The following SGSM1 variants were observed in gnomAD, a reference collection of about 807,000 sequenced individuals.
SGSM1 encodes the protein RUN and TBC1 domain containing 2.
A neutral mutation model predicts 133.8 loss-of-function variants in SGSM1; 73 were observed. The observed-to-expected ratio is 0.55, with a 90% CI of 0.45 to 0.66. The LOEUF is 0.66. Among genes scored for constraint, SGSM1 ranks in the 30% least tolerant of loss-of-function variants. The probability of loss-of-function intolerance (pLI) is 0.00; values close to 1 mark genes in which losing one functional copy is unlikely to be tolerated. For missense variants in SGSM1, 1,213 were observed against 1,448.1 expected (o/e 0.84, Z 2.64); for synonymous variants, 563 against 573.0 (o/e 0.98, Z 0.25).
intron 8 of SGSM1, among the ~76,000 whole-genome samples, chr22:24,859,167 C>T (rs1170820018): frequency 6.6e-6 from 1 of 152,104 alleles, no homozygotes; most frequent in Non-Finnish European, 1.5e-5. Flanking sequence ...CATCACCCTC[C>T]CCACACACCC....
At chr22:24,825,649 C>T (rs1474998879) in intron 2 of SGSM1, among the ~76,000 whole-genome samples, 1 of 152,254 alleles carries the variant, frequency 6.6e-6, no homozygotes, top group East Asian at 1.9e-4. Context: ...AGGCTGGTCT[C>T]GAACTCCTGA....
At chr22:24,823,116 G>A (rs368340108) in intron 2 of SGSM1, among the ~76,000 whole-genome samples, 19 of 152,260 alleles carry the variant, frequency 1.2e-4, no homozygotes, top group Middle Eastern at 3.4e-3. Context: ...TCACCTGACC[G>A]GAACTCAGTT....
chr22:24,893,728 C>A lies in SGSM1; in HGVS notation c.1953+115C>A, dbSNP rs191366206. The A allele has an allele frequency of 6.2e-4, 737 of 1,181,912 alleles. 4 individuals carry two copies. The African/African-American group carries it at 0.011, about 17-fold the overall frequency. The allele number at this position is 1,181,912 out of a possible 1,614,324, so 73.2% of individuals were successfully genotyped here. A position where few individuals can be genotyped will look rare whatever the true frequency, so the allele number is the denominator to read the frequency against. On this transcript the variant is annotated intron_variant, in intron 17 of 24. Coordinates refer to ENST00000400358, the MANE Select transcript of SGSM1 (RefSeq NM_001098497.3). ...TGTCTGGGGCCTGGTGACAGTCTCA[C>A]CCCTGGCTTTTTCTTTAAGAGTGTG...
intron 2 of SGSM1, among the ~76,000 whole-genome samples, chr22:24,829,428 C>T (rs1459725499): frequency 6.6e-6 from 1 of 152,156 alleles, no homozygotes; most frequent in Non-Finnish European, 1.5e-5. Flanking sequence ...GGCTAATAGA[C>T]TGAGTACCTG....
chr22:24,898,266 C>T lies in SGSM1; in HGVS notation c.2317C>T (p.Arg773Trp), dbSNP rs1354922959. 1.5e-5 allele frequency: 25 copies of T among 1,613,636 alleles called. No homozygotes were observed. Among genetic ancestry groups the T allele is most frequent in the Non-Finnish European group, 1.9e-5 (23 of 1,179,782 alleles). Residue 773 changes from arginine (R) to tryptophan (W), a missense_variant, in exon 19 of 25, where the codon CGG (arginine) becomes TGG (tryptophan). Physicochemically the swap from Arg to Trp is moderately radical, Grantham distance 101. Coordinates refer to ENST00000400358, the MANE Select transcript of SGSM1 (RefSeq NM_001098497.3). ...CACCACATCTCAGGATGAGGCTCCC[C>T]GGGAGGAGCTGGCCGTGCAGGACAG... ...EATTSQDEAPREELAVQDSLE... is the reference protein window; with the variant it reads ...EATTSQDEAPWEELAVQDSLE...
intron 21 of SGSM1, among the ~76,000 whole-genome samples, chr22:24,911,857 A>G (rs574283036): frequency 2.8e-4 from 43 of 152,294 alleles, no homozygotes; most frequent in Non-Finnish European, 5.4e-4. Context: ...GATCGAGACC[A>G]TTCTGGCTAA....
intron 21 of SGSM1, among the ~76,000 whole-genome samples, chr22:24,906,546 ATAAACAAGAG>A (rs1933387225): frequency 6.6e-6 from 1 of 152,396 alleles, no homozygotes; most frequent in Middle Eastern, 3.4e-3. Context: ...TATAAGATCA[ATAAACAAGAG>A]TCTCTTGTAT....
At chr22:24,915,378 C>G (rs919866815) in intron 22 of SGSM1, among the ~76,000 whole-genome samples, 5 of 152,220 alleles carry the variant, frequency 3.3e-5, no homozygotes, top group African/African-American at 1.2e-4. Context: ...TCAGTTTTAT[C>G]AGGCACAACC....
rs780265633 is a variant in SGSM1, at chr22:24,850,325, G to A, written c.348G>A (p.Pro116=). The part of the protein sequence containing the change: ...QGLQENVRKL[P]KLPNLSPLAI... ...TCCAGGAGAATGTGCGGAAGCTGCC[G>A]AAGCTGCCCAACTTGTCCCCACTTG... The change falls in exon 5 of 25, where the codon CCG becomes CCA. Residue 116 remains proline, a synonymous_variant. Transcript: ENST00000400358. 24 of 1,613,008 alleles carry A rather than the reference G, an allele frequency of 1.5e-5. No individual in the cohort carries two copies. The highest frequency in any genetic ancestry group is 5.3e-5 in the African/African-American group (4 of 74,892).
At chr22:24,834,227 G>A (rs1929294084) in intron 2 of SGSM1, among the ~76,000 whole-genome samples, 2 of 152,252 alleles carry the variant, frequency 1.3e-5, no homozygotes, top group African/African-American at 4.8e-5. Context: ...CCTGAGAGCT[G>A]TCCCCGACTG....
intron 21 of SGSM1, among the ~76,000 whole-genome samples, chr22:24,906,048 TA>T (rs1338705850): frequency 6.6e-6 from 1 of 151,858 alleles, no homozygotes; most frequent in South Asian, 2.1e-4. Context: ...CACCAAGATA[TA>T]AAAAAGCTTA....
intron 17 of SGSM1, 145 bp from the exon 18 acceptor site, chr22:24,895,078 A>G (rs528985933): frequency 1.3e-6 from 1 of 779,736 alleles, no homozygotes; most frequent in Admixed American, 2.2e-5. Flanking sequence ...TTTTACAGCT[A>G]GGAAACTGAT....
chr22:24,865,374 G>A (rs1250376039), intron 9 of SGSM1, among the ~76,000 whole-genome samples: 1 of 152,206 alleles, frequency 6.6e-6, no homozygotes, highest in African/African-American at 2.4e-5. Flanking sequence ...AACAGAGGCT[G>A]CTGCCCTTGT....
At chr22:24,832,293 G>T (rs913009051) in intron 2 of SGSM1, among the ~76,000 whole-genome samples, 10 of 152,148 alleles carry the variant, frequency 6.6e-5, no homozygotes, top group African/African-American at 2.4e-4. Context: ...ATGTTATGAG[G>T]ATTCTGTTTG....
At chr22:24,883,654 C>G (rs1569162004) in intron 14 of SGSM1, among the ~76,000 whole-genome samples, 1 of 152,070 alleles carries the variant, frequency 6.6e-6, no homozygotes, top group South Asian at 2.1e-4. Flanking sequence ...TGAGTCATGG[C>G]GTTTAGTAAG....
chr22:24,858,018 C>G (rs1930908677), intron 8 of SGSM1, among the ~76,000 whole-genome samples: 1 of 152,138 alleles, frequency 6.6e-6, no homozygotes, highest in Non-Finnish European at 1.5e-5. Flanking sequence ...CTCACTGTCA[C>G]CAGGCTGGAG....
Position 24,897,958 on chromosome 22 carries a change from C to T in SGSM1, c.2023-14C>T, listed in dbSNP as rs1408627323. On this transcript the variant is annotated splice_polypyrimidine_tract_variant and intron_variant, in intron 18 of 24. Coordinates refer to ENST00000400358, the MANE Select transcript of SGSM1 (RefSeq NM_001098497.3). ...ACATGCCGGTCCATCTGTTTTTGTG[C>T]ACCTTGTCCTCAGGTGTTTGAGTCT... 1 of 1,569,506 alleles carries T rather than the reference C, an allele frequency of 6.4e-7. No homozygotes were observed. Among genetic ancestry groups the T allele is most frequent in the Admixed American group, 1.9e-5 (1 of 52,822 alleles).
intron 2 of SGSM1, among the ~76,000 whole-genome samples, chr22:24,816,647 C>T (rs561986067): frequency 1.3e-5 from 2 of 151,958 alleles, no homozygotes; most frequent in Admixed American, 1.3e-4. Flanking sequence ...CCTTGTGATC[C>T]GCCTGCCTTG....
At chr22:24,884,346 G>C in intron 15 of SGSM1, 148 bp downstream of exon 15, 2 of 1,077,980 alleles carry the variant, frequency 1.9e-6, no homozygotes, top group South Asian at 3.5e-5. Context: ...CCTTCTCCTT[G>C]AGAGTTCCAA....
Sources: gnomAD v4.1 joint callset for allele counts (sites outside exome capture counted in the v4.1 genomes callset) on GRCh38, gnomAD v4.1.1 for gene constraint, MANE v1.5 for transcripts, NCBI Gene and HGNC (gene_info 2026-07-23, HGNC 2026-07-21) for gene names.